The following SOS2 variants were observed in gnomAD, a reference collection of about 807,000 sequenced individuals.
SOS2 encodes SOS Ras/Rho guanine nucleotide exchange factor 2, also known as son of sevenless homolog 2.
In SOS2, 65 loss-of-function variants were observed where a neutral mutation model predicts 148.2. That is an observed-to-expected ratio of 0.44 (90% confidence interval 0.36 to 0.54). The LOEUF is 0.54. SOS2 is among the 20% of genes least tolerant of loss of function. SOS2 has a pLI of 0.00. For missense variants in SOS2, 1,341 were observed against 1,590.2 expected (o/e 0.84, Z 2.67); for synonymous variants, 539 against 537.1 (o/e 1.00, Z -0.05).
intron 6 of SOS2, among the ~76,000 whole-genome samples, chr14:50,181,355 G>A (rs1885729225): frequency 6.6e-6 from 1 of 152,084 alleles, no homozygotes; most frequent in African/African-American, 2.4e-5. Context: ...GGCTGAGGCA[G>A]GAGAATGGCT....
intron 7 of SOS2, 48 bp from the exon 8 acceptor site, chr14:50,174,600 A>G: frequency 8.8e-7 from 1 of 1,135,738 alleles, no homozygotes; most frequent in Non-Finnish European, 1.3e-6. Flanking sequence ...GACATCAAGG[A>G]TATGCAACAG....
chr14:50,227,240 T>C (rs1595041592), intron 1 of SOS2, among the ~76,000 whole-genome samples: 1 of 96,520 alleles, frequency 1.0e-5, no homozygotes, highest in East Asian at 3.4e-4. Context: ...TTTTTCTTTC[T>C]TTCTTTCTTT....
intron 21 of SOS2, among the ~76,000 whole-genome samples, chr14:50,123,384 T>A (rs991218736): frequency 1.4e-5 from 2 of 146,336 alleles, no homozygotes; most frequent in African/African-American, 5.1e-5. Flanking sequence ...AGAGGGCTTT[T>A]TTTTTTTTTT....
intron 1 of SOS2, chr14:50,230,932 G>T (rs1002837910): frequency 3.6e-6 from 4 of 1,096,014 alleles, no homozygotes; most frequent in Non-Finnish European, 4.4e-6. Flanking sequence ...ATTGGTCAAC[G>T]GCGGAAGTTG....
In SOS2 at chr14:50,119,926, C is replaced by G. The variant is rs757696877; in HGVS notation, c.3489+349G>C. 1.1e-4 allele frequency among the ~76,000 whole-genome samples: 16 copies of G among 151,536 alleles called. 1 individual carries two copies. Among genetic ancestry groups the G allele is most frequent in the Non-Finnish European group, 1.9e-4 (13 of 67,966 alleles). The stretch of plus-strand genomic sequence containing the variant: ...TCCCAGGTTCAAGCGCTTCTCCTGC[C>G]TCAGCCTCCCCAGTAGCTGGAATCA... On this transcript the variant is annotated intron_variant, in intron 22 of 22. Coordinates refer to ENST00000216373, the MANE Select transcript of SOS2 (RefSeq NM_006939.4).
At chr14:50,213,525 C>A (rs1886951221) in intron 1 of SOS2, among the ~76,000 whole-genome samples, 2 of 151,918 alleles carry the variant, frequency 1.3e-5, no homozygotes, top group African/African-American at 2.4e-5. Flanking sequence ...CACAGTGAAA[C>A]CCCGTCTCTA....
intron 4 of SOS2, among the ~76,000 whole-genome samples, chr14:50,199,218 C>T (rs901851978): frequency 2.6e-5 from 4 of 152,146 alleles, no homozygotes; most frequent in African/African-American, 4.8e-5. Flanking sequence ...GACTCAATTT[C>T]TTCCCACAAG....
At chr14:50,230,192 T>C (rs1435513874) in intron 1 of SOS2, among the ~76,000 whole-genome samples, 1 of 152,234 alleles carries the variant, frequency 6.6e-6, no homozygotes, top group Non-Finnish European at 1.5e-5. Context: ...TTTATAGAAA[T>C]TTAATGTCTG....
chr14:50,189,689 T>A (rs1886059835), intron 4 of SOS2, among the ~76,000 whole-genome samples: 2 of 152,198 alleles, frequency 1.3e-5, no homozygotes, highest in Middle Eastern at 3.2e-3. Context: ...TGACCACTGC[T>A]ATTACGTTCA....
intron 2 of SOS2, among the ~76,000 whole-genome samples, chr14:50,202,061 C>A (rs1023518493): frequency 3.9e-5 from 6 of 152,188 alleles, no homozygotes; most frequent in Non-Finnish European, 7.3e-5. Context: ...TTCCCAGACT[C>A]CAATGATCCT....
At chr14:50,184,864 CAAAAAAAAAAAA>C (rs34039045) in intron 5 of SOS2, among the ~76,000 whole-genome samples, 1 of 57,126 alleles carries the variant, frequency 1.8e-5, no homozygotes, top group Admixed American at 2.3e-4. Context: ...ACCCTGTCTC[CAAAAAAAAAAAA>C]AAAAAAAAAA....
chr14:50,175,840 CATAA>C (rs1461476291), intron 7 of SOS2, among the ~76,000 whole-genome samples: 1 of 152,152 alleles, frequency 6.6e-6, no homozygotes, highest in African/African-American at 2.4e-5. Flanking sequence ...AAAAAATCTT[CATAA>C]ATATTACCAT....
At chr14:50,152,975 A>G (rs981203672) in intron 13 of SOS2, 95 bp downstream of exon 13, 24 of 624,790 alleles carry the variant, frequency 3.8e-5, no homozygotes, top group Non-Finnish European at 5.6e-5. Context: ...AAAAAAAAAA[A>G]AGAGAGAGAA....
At chr14:50,204,540 A>G (rs1886601668) in intron 1 of SOS2, 131 bp from the exon 2 acceptor site, 1 of 600,530 alleles carries the variant, frequency 1.7e-6, no homozygotes, top group Non-Finnish European at 2.8e-6. Context: ...AAATGAAGAA[A>G]AAAACTATTT....
In SOS2 at chr14:50,118,645, T is replaced by G. The variant is rs201756168; in HGVS notation, c.3698A>C (p.Asn1233Thr). Residue 1233 changes from asparagine to threonine, a missense_variant, in exon 23 of 23, where the codon AAT becomes ACT. By Grantham distance (65) the Asn-to-Thr change is moderately conservative. This residue lies in a region of SOS2 where 354 missense variants were observed against 347.7 expected (regional missense o/e 1.02). Coordinates refer to ENST00000216373, the MANE Select transcript of SOS2 (RefSeq NM_006939.4). ...PPEHFINCPF[N>T]LQPPPLGHLH... Reference sequence around the variant, plus strand: ...ATGCCCCAGTGGAGGTGGCTGAAGATTAAATGGACAGTTTATAAAGTGTTC... The same window carrying G: ...ATGCCCCAGTGGAGGTGGCTGAAGAGTAAATGGACAGTTTATAAAGTGTTC... 7.4e-6 allele frequency: 12 copies of G among 1,613,906 alleles called. No individual in the cohort carries two copies. In the African/African-American group the frequency reaches 1.3e-4, roughly 18 times the overall value.
intron 1 of SOS2, among the ~76,000 whole-genome samples, chr14:50,223,401 G>C (rs77499241): frequency 0.26 from 39,278 of 151,916 alleles, 5,627 homozygotes; most frequent in East Asian, 0.45. Context: ...GGGGCTGGGC[G>C]TGGTGGCTCA....
chr14:50,166,293 G>A (rs117563936), intron 8 of SOS2, among the ~76,000 whole-genome samples: 4,428 of 152,122 alleles, frequency 0.029, 87 homozygotes, highest in Non-Finnish European at 0.047. Flanking sequence ...CACGATCTCG[G>A]CTCACTGCAT....
At chr14:50,224,654 G>A (rs562986511) in intron 1 of SOS2, among the ~76,000 whole-genome samples, 3 of 152,206 alleles carry the variant, frequency 2.0e-5, no homozygotes, top group South Asian at 2.1e-4. Flanking sequence ...GGAGGCCAAG[G>A]CTGGAGGATC....
At position 50,159,258 on chromosome 14, in the gene SOS2, A is replaced by G. The variant is rs1884921617; in HGVS notation, c.1852+173T>C. Among the ~76,000 whole-genome samples, 4 of 152,038 alleles carry G rather than the reference A, an allele frequency of 2.6e-5. No individual in the cohort carries two copies. The South Asian group carries it at 8.3e-4, about 31-fold the overall frequency. ...TTCAATAATTAATGAAGTTAACAAT[A>G]TTACATTTTTAGACCTTTAATTCCT... is the stretch of plus-strand genomic sequence containing the variant. On this transcript the variant is annotated intron_variant, in intron 10 of 22. Coordinates refer to ENST00000216373, the MANE Select transcript of SOS2 (RefSeq NM_006939.4).
Sources: allele counts gnomAD v4.1 joint callset (sites outside exome capture counted in the v4.1 genomes callset), GRCh38; gene constraint gnomAD v4.1.1; regional missense constraint gnomAD v4.1.1; transcripts MANE v1.5; gene names NCBI Gene and HGNC (gene_info 2026-07-23, HGNC 2026-07-21).